The following PBX3 variants were observed in gnomAD, a reference collection of about 807,000 sequenced individuals.
The protein encoded by PBX3 is pre-B-cell leukemia transcription factor 3.
In PBX3, 14 loss-of-function variants were observed where a neutral mutation model predicts 48.5. That is an observed-to-expected ratio of 0.29 (90% CI 0.19 to 0.45). The LOEUF is 0.45. PBX3 is among the 20% of genes least tolerant of loss of function. PBX3 has a pLI of 1.00. For missense variants in PBX3, 386 were observed against 546.7 expected (o/e 0.71, Z 2.93); for synonymous variants, 210 against 200.3 (o/e 1.05, Z -0.41).
chr9:125,763,581 C>A (rs958428806), intron 2 of PBX3, among the ~76,000 whole-genome samples: 3 of 152,228 alleles, frequency 2.0e-5, no homozygotes, highest in African/African-American at 7.2e-5. Flanking sequence ...CTGAAATCCA[C>A]ACGATTCACC....
At chr9:125,806,680 T>C (rs913294450) in intron 2 of PBX3, among the ~76,000 whole-genome samples, 3 of 152,180 alleles carry the variant, frequency 2.0e-5, no homozygotes, top group Non-Finnish European at 4.4e-5. Context: ...TGTGTTCAAA[T>C]CATGGCAGTC....
At chr9:125,887,926 C>T (rs1840538870) in intron 2 of PBX3, among the ~76,000 whole-genome samples, 1 of 152,050 alleles carries the variant, frequency 6.6e-6, no homozygotes, top group Admixed American at 6.5e-5. Flanking sequence ...AGATAGATTA[C>T]TGTGCATAAT....
intron 4 of PBX3, among the ~76,000 whole-genome samples, chr9:125,933,288 G>A (rs1014246909): frequency 6.6e-6 from 1 of 152,190 alleles, no homozygotes; most frequent in African/African-American, 2.4e-5. Flanking sequence ...ACAAGACGAA[G>A]CATGCACCAA....
intron 2 of PBX3, among the ~76,000 whole-genome samples, chr9:125,760,017 G>A (rs969833032): frequency 2.0e-5 from 3 of 152,166 alleles, no homozygotes; most frequent in African/African-American, 7.2e-5. Context: ...GCAAGAACTC[G>A]GTAGTTGCTG....
chr9:125,956,155 G>A (rs1385970605), intron 5 of PBX3, among the ~76,000 whole-genome samples: 1 of 152,158 alleles, frequency 6.6e-6, no homozygotes, highest in African/African-American at 2.4e-5. Flanking sequence ...AGTTCTGTGA[G>A]GAAGATACTA....
At chr9:125,832,862 C>A (rs1227477844) in intron 2 of PBX3, among the ~76,000 whole-genome samples, 1 of 152,126 alleles carries the variant, frequency 6.6e-6, no homozygotes, top group Non-Finnish European at 1.5e-5. Flanking sequence ...TTTGGCCACA[C>A]CTATCTATAA....
chr9:125,747,604 C>T lies in PBX3; in HGVS notation c.151C>T (p.His51Tyr). The T allele has an allele frequency of 6.2e-7, 1 of 1,608,210 alleles. No homozygotes were observed. The highest frequency in any genetic ancestry group is 8.5e-7 in the Non-Finnish European group (1 of 1,177,318). ...GRKQDIGDIL[H>Y]QIMTITDQSL... ...GAAGCAGGACATCGGCGACATCCTC[C>T]ACCAGATCATGACCATCACCGACCA... The change falls in exon 1 of 9, where the codon CAC becomes TAC. Residue 51 changes from histidine (H) to tyrosine (Y), a missense_variant. Physicochemically the swap from His to Tyr is moderately conservative, Grantham distance 83. Around this residue, in one of 4 missense-constraint regions of PBX3, gnomAD observed 116 missense variants for 98.2 expected, o/e 1.18. Transcript: ENST00000373489.
At chr9:125,814,424 C>G (rs1391648486) in intron 2 of PBX3, among the ~76,000 whole-genome samples, 2 of 151,992 alleles carry the variant, frequency 1.3e-5, no homozygotes, top group Non-Finnish European at 2.9e-5. Context: ...CTGTACTGTT[C>G]TATTTAAGAT....
chr9:125,827,226 A>G (rs769853422), intron 2 of PBX3, among the ~76,000 whole-genome samples: 6 of 152,214 alleles, frequency 3.9e-5, no homozygotes, highest in Non-Finnish European at 5.9e-5. Context: ...AGACCCATGT[A>G]GGGTATATGG....
intron 5 of PBX3, among the ~76,000 whole-genome samples, chr9:125,958,555 A>G (rs1294367377): frequency 6.6e-6 from 1 of 152,220 alleles, no homozygotes; most frequent in African/African-American, 2.4e-5. Context: ...AGAGAACTAT[A>G]TACCCATTAG....
At chr9:125,941,503 T>C (rs1349900317) in intron 5 of PBX3, among the ~76,000 whole-genome samples, 1 of 152,210 alleles carries the variant, frequency 6.6e-6, no homozygotes, top group Admixed American at 6.5e-5. Flanking sequence ...GAGTGTTCAC[T>C]TAATTGAGTA....
chr9:125,769,152 T>C (rs553273218), intron 2 of PBX3, among the ~76,000 whole-genome samples: 4 of 152,160 alleles, frequency 2.6e-5, no homozygotes, highest in African/African-American at 9.7e-5. Context: ...CATTGTGAAG[T>C]GAAACTGGCC....
intron 2 of PBX3, among the ~76,000 whole-genome samples, chr9:125,823,945 C>G (rs1334279033): frequency 6.6e-6 from 1 of 151,742 alleles, no homozygotes; most frequent in Non-Finnish European, 1.5e-5. Context: ...GCATGGTGGC[C>G]CGCACCTGTA....
chr9:125,912,311 T>A (rs1020739372), intron 2 of PBX3, among the ~76,000 whole-genome samples: 6 of 152,160 alleles, frequency 3.9e-5, no homozygotes, highest in Admixed American at 6.5e-5. Context: ...TTGAGTGGGC[T>A]TTAGGTACTT....
intron 2 of PBX3, among the ~76,000 whole-genome samples, chr9:125,750,247 C>A (rs565897779): frequency 5.3e-5 from 8 of 152,310 alleles, no homozygotes; most frequent in African/African-American, 1.9e-4. Flanking sequence ...CGACTTTATA[C>A]AGCCTTATAT....
chr9:125,845,651 G>A (rs1456725512), intron 2 of PBX3, among the ~76,000 whole-genome samples: 1 of 152,082 alleles, frequency 6.6e-6, no homozygotes, highest in African/African-American at 2.4e-5. Context: ...CAATAAATCA[G>A]CCTTGACAAG....
intron 2 of PBX3, among the ~76,000 whole-genome samples, chr9:125,815,309 C>T (rs1838426269): frequency 6.6e-6 from 1 of 152,150 alleles, no homozygotes; most frequent in African/African-American, 2.4e-5. Context: ...CAGAGAAGAC[C>T]ACATTTCATC....
intron 2 of PBX3, among the ~76,000 whole-genome samples, chr9:125,767,090 A>G (rs1278980275): frequency 2.0e-5 from 3 of 152,186 alleles, no homozygotes; most frequent in African/African-American, 7.2e-5. Context: ...CTGGAAAATT[A>G]TATTTTATAT....
At chr9:125,807,542 G>A (rs1564665774) in intron 2 of PBX3, among the ~76,000 whole-genome samples, 1 of 152,100 alleles carries the variant, frequency 6.6e-6, no homozygotes. Flanking sequence ...GGCATAACCT[G>A]CGTAAGATTC....
Sources: gnomAD v4.1 joint callset for allele counts (sites outside exome capture counted in the v4.1 genomes callset) on GRCh38, gnomAD v4.1.1 for gene constraint, gnomAD v4.1.1 regional missense constraint, MANE v1.5 for transcripts, NCBI Gene and HGNC (gene_info 2026-07-23, HGNC 2026-07-21) for gene names.